The following ZNF469 variants were observed in gnomAD, a reference collection of about 807,000 sequenced individuals.
ZNF469 encodes zinc finger protein 469.
In ZNF469, 1 loss-of-function variant was observed where a neutral mutation model predicts 1.0. The observed-to-expected ratio is 1.00, with a 90% CI of 0.35 to 4.73. The LOEUF (loss-of-function observed/expected upper bound fraction) is 4.73. ZNF469 is among the 30% of genes most tolerant of loss of function. ZNF469 has a pLI of 0.16. For synonymous variants in ZNF469, 2,703 were observed against 2,363.4 expected, an observed-to-expected ratio of 1.14 and a Z score of -4.17; for missense variants, 6,100 against 5,356.3, an observed-to-expected ratio of 1.14 and a Z score of -4.33.
At chr16:88,120,680 C>T in the ZNF469 span, among the ~76,000 whole-genome samples, 1 of 152,242 alleles carries the variant, frequency 6.6e-6, no homozygotes, top group Admixed American at 6.5e-5. Flanking sequence ...GCGGGCCTCA[C>T]TGCACCGGGA....
At chr16:88,248,126 G>C in the ZNF469 span, among the ~76,000 whole-genome samples, 1 of 152,080 alleles carries the variant, frequency 6.6e-6, no homozygotes, top group Non-Finnish European at 1.5e-5. Flanking sequence ...CTGACTTTGG[G>C]GGCTTGTGAA....
At chr16:88,305,623 T>TGC in the ZNF469 span, among the ~76,000 whole-genome samples, 7 of 145,838 alleles carry the variant, frequency 4.8e-5, no homozygotes, top group Admixed American at 6.8e-5. Context: ...CACCCTCACG[T>TGC]GCACACACAT....
chr16:88,221,794 C>G, the ZNF469 span, among the ~76,000 whole-genome samples: 1 of 152,230 alleles, frequency 6.6e-6, no homozygotes, highest in African/African-American at 2.4e-5. Flanking sequence ...CCCACTCCAT[C>G]CGCTCCCAGC....
At chr16:88,383,823 G>A (rs1175869128) in intron 1 of ZNF469, among the ~76,000 whole-genome samples, 4 of 152,162 alleles carry the variant, frequency 2.6e-5, no homozygotes, top group Non-Finnish European at 2.9e-5. Context: ...CACCCTGGGG[G>A]AGACCACGCC....
At chr16:88,388,474 C>T (rs1375657980) in intron 1 of ZNF469, among the ~76,000 whole-genome samples, 4 of 152,252 alleles carry the variant, frequency 2.6e-5, no homozygotes, top group African/African-American at 9.6e-5. Context: ...CCGCATTCCT[C>T]CGGGGCTGCT....
At chr16:88,382,165 G>A (rs1243442919), upstream of ZNF469, among the ~76,000 whole-genome samples, 1 of 152,252 alleles carries the variant, frequency 6.6e-6, no homozygotes, top group Non-Finnish European at 1.5e-5. Context: ...CTGCACCCCT[G>A]CCCTTGGAGG....
the ZNF469 span, among the ~76,000 whole-genome samples, chr16:88,105,689 G>A: frequency 2.6e-5 from 4 of 152,348 alleles, no homozygotes; most frequent in African/African-American, 4.8e-5. Context: ...AATTGGGAAC[G>A]GATGAAGAGC....
chr16:88,292,236 G>C, the ZNF469 span, among the ~76,000 whole-genome samples: 1 of 152,190 alleles, frequency 6.6e-6, no homozygotes. Flanking sequence ...CGTGGTCCCA[G>C]CAGGGGCCTT....
At chr16:88,352,561 G>T in the ZNF469 span, among the ~76,000 whole-genome samples, 1 of 152,236 alleles carries the variant, frequency 6.6e-6, no homozygotes, top group South Asian at 2.1e-4. Flanking sequence ...CCTCAGGCCT[G>T]TGTCCTTGTC....
upstream of ZNF469, among the ~76,000 whole-genome samples, chr16:88,378,430 T>C (rs1599338716): frequency 6.6e-6 from 1 of 152,302 alleles, no homozygotes; most frequent in South Asian, 2.1e-4. Context: ...ATCGCTGTCC[T>C]CTGTGCTTGC....
chr16:88,209,353 C>T, the ZNF469 span, among the ~76,000 whole-genome samples: 4 of 151,728 alleles, frequency 2.6e-5, no homozygotes, highest in Non-Finnish European at 2.9e-5. Context: ...TGCAGTGGCG[C>T]GACCTTGACT....
At chr16:88,282,629 C>T in the ZNF469 span, among the ~76,000 whole-genome samples, 27 of 152,148 alleles carry the variant, frequency 1.8e-4, no homozygotes, top group African/African-American at 6.3e-4. Flanking sequence ...GCAGAGACGT[C>T]GGATTGCAGA....
At position 88,428,875 on chromosome 16, in the gene ZNF469, A is replaced by G; in HGVS notation, c.1405A>G (p.Ser469Gly). The G allele has an allele frequency of 6.5e-7, 1 of 1,548,258 alleles. No individual in the cohort carries two copies. The highest frequency in any genetic ancestry group is 1.2e-5 in the South Asian group (1 of 84,026). ...GAGTATGTTCTTTAACGGCCAGCCC[A>G]GCCCAGGCCAGCGGCTCTGCCTCCC... ...TRSMFFNGQPSPGQRLCLPQS... is the reference protein window; with the variant it reads ...TRSMFFNGQPGPGQRLCLPQS... Residue 469 changes from serine (S) to glycine (G), a missense_variant, in exon 3 of 3, where the codon AGC becomes GGC. Physicochemically the swap from Ser to Gly is moderately conservative, Grantham distance 56. Transcript: ENST00000565624.
At chr16:88,225,354 A>T in the ZNF469 span, among the ~76,000 whole-genome samples, 1 of 152,254 alleles carries the variant, frequency 6.6e-6, no homozygotes, top group Admixed American at 6.5e-5. Context: ...CTTGAGACAC[A>T]GTCTCCACTG....
At chr16:88,176,384 G>A in the ZNF469 span, among the ~76,000 whole-genome samples, 5 of 149,462 alleles carry the variant, frequency 3.3e-5, no homozygotes, top group South Asian at 1.1e-3. Flanking sequence ...ATTGGACCTG[G>A]GCCTGGGGGA....
the ZNF469 span, among the ~76,000 whole-genome samples, chr16:88,130,606 T>C: frequency 6.7e-6 from 1 of 149,154 alleles, no homozygotes; most frequent in African/African-American, 2.5e-5. Context: ...CTCGGGAGGC[T>C]GAGGTAGGAG....
Position 88,430,261 on chromosome 16 carries a change from C to G in ZNF469, c.2791C>G (p.Leu931Val). 6 of 1,519,656 alleles carry G rather than the reference C, an allele frequency of 3.9e-6. No individual in the cohort carries two copies. The highest frequency in any genetic ancestry group is 5.3e-6 in the Non-Finnish European group (6 of 1,134,342). 94.1% of individuals were successfully genotyped at this position (1,519,656 alleles called of 1,614,324 possible). A position where few individuals can be genotyped will look rare whatever the true frequency, so the allele number is the denominator to read the frequency against. Residue 931 changes from leucine to valine, a missense_variant, in exon 3 of 3, where the codon CTG (leucine) becomes GTG (valine). Physicochemically the swap from Leu to Val is conservative, Grantham distance 32. Coordinates refer to ENST00000565624, the MANE Select transcript of ZNF469 (RefSeq NM_001367624.2). ...RGRPKTRSLG[L>V]APTEADAPSQ... ...CAGGCCCAAAACGCGTTCCCTGGGT[C>G]TGGCCCCCACCGAGGCGGATGCGCC...
the ZNF469 span, among the ~76,000 whole-genome samples, chr16:88,216,493 C>CAA: frequency 0.022 from 2,994 of 136,542 alleles, 59 homozygotes; most frequent in South Asian, 0.063. Flanking sequence ...GACTCCGTCT[C>CAA]AAAAAAAAAA....
chr16:88,197,013 GTC>G, the ZNF469 span, among the ~76,000 whole-genome samples: 1 of 152,204 alleles, frequency 6.6e-6, no homozygotes, highest in Non-Finnish European at 1.5e-5. Flanking sequence ...GAGCATGACT[GTC>G]TTGTTCAGCG....
Sources: gnomAD v4.1 joint callset for allele counts (sites outside exome capture counted in the v4.1 genomes callset) on GRCh38, gnomAD v4.1.1 for gene constraint, MANE v1.5 for transcripts, NCBI Gene and HGNC (gene_info 2026-07-23, HGNC 2026-07-21) for gene names.